DPYD: variants seen among roughly 807,000 people sequenced by gnomAD.
DPYD encodes the protein dihydropyrimidine dehydrogenase [NADP(+)].
A neutral mutation model predicts 116.2 loss-of-function variants in DPYD; 109 were observed. The observed-to-expected ratio is 0.94, with a 90% CI of 0.80 to 1.10. The LOEUF is 1.10. DPYD is among the 50% of genes least tolerant of loss of function. DPYD has a pLI of 0.00. For synonymous variants in DPYD, 440 were observed against 432.0 expected (o/e 1.02, Z -0.23); for missense variants, 1,302 against 1,254.5 (o/e 1.04, Z -0.57).
chr1:97,266,682 C>T (rs1664256462), intron 18 of DPYD, among the ~76,000 whole-genome samples: 1 of 152,036 alleles, frequency 6.6e-6, no homozygotes, highest in Admixed American at 6.6e-5. Flanking sequence ...CTCCCCCTGC[C>T]CCCCACCTCA....
chr1:97,572,887 A>C (rs1652994671), intron 11 of DPYD, among the ~76,000 whole-genome samples: 2 of 152,034 alleles, frequency 1.3e-5, no homozygotes, highest in South Asian at 4.1e-4. Context: ...TTCCAACTTC[A>C]GACAAAAAAT....
rs566441048 is a variant in DPYD at position 97,911,935 on chromosome 1, C to A, written c.39+8949G>T. Among the ~76,000 whole-genome samples the A allele has an allele frequency of 2.0e-5, 3 of 152,178 alleles. No individual in the cohort carries two copies. In the South Asian group the frequency reaches 6.2e-4, roughly 32 times the overall value. On this transcript the variant is annotated intron_variant, in intron 1 of 22. Transcript: ENST00000370192. ...CTCCCAGGGCAGAAAAAATTAGGAA[C>A]CATGCACGCTGTCAAGCCATTCTCC...
chr1:97,696,968 GC>G (rs1322353777), intron 6 of DPYD, among the ~76,000 whole-genome samples: 1 of 151,916 alleles, frequency 6.6e-6, no homozygotes, highest in Non-Finnish European at 1.5e-5. Context: ...GGCAGCATTG[GC>G]CTCACTATCC....
Position 97,640,141 on chromosome 1 carries a change from T to C in DPYD, c.850+38954A>G, listed in dbSNP as rs116072589. 5.6e-3 allele frequency among the ~76,000 whole-genome samples: 846 copies of C among 152,232 alleles called. 5 individuals are homozygous for C. The highest frequency in any genetic ancestry group is 0.019 in the African/African-American group (796 of 41,554). The stretch of plus-strand genomic sequence containing the variant: ...TACATACTAATGAAGTCAAGTTACG[T>C]AGTGACTTACAGATTTAAAGGGTAC... On this transcript the variant is annotated intron_variant, in intron 8 of 22. Transcript: ENST00000370192.
At chr1:97,352,636 C>A (rs1433922817) in intron 16 of DPYD, among the ~76,000 whole-genome samples, 1 of 148,990 alleles carries the variant, frequency 6.7e-6, no homozygotes, top group African/African-American at 2.5e-5. Flanking sequence ...ACACTGTTTT[C>A]AAAAAAAACT....
At chr1:97,286,720 G>C (rs1665713226) in intron 18 of DPYD, among the ~76,000 whole-genome samples, 1 of 152,108 alleles carries the variant, frequency 6.6e-6, no homozygotes, top group South Asian at 2.1e-4. Flanking sequence ...ATCGGCTCCT[G>C]AGGCTTCTGC....
At chr1:97,418,369 T>C (rs1674396237) in intron 14 of DPYD, among the ~76,000 whole-genome samples, 1 of 151,744 alleles carries the variant, frequency 6.6e-6, no homozygotes, top group South Asian at 2.1e-4. Context: ...GGTGCGACCT[T>C]GGCTCACTGC....
intron 4 of DPYD, among the ~76,000 whole-genome samples, chr1:97,730,673 T>C (rs975860712): frequency 5.3e-5 from 8 of 152,058 alleles, no homozygotes; most frequent in Admixed American, 4.6e-4. Flanking sequence ...TAATTATAAA[T>C]GCAATAAATT....
intron 14 of DPYD, among the ~76,000 whole-genome samples, chr1:97,402,167 G>A (rs1033859055): frequency 1.3e-5 from 2 of 151,990 alleles, no homozygotes; most frequent in East Asian, 1.9e-4. Context: ...CACAACTTGC[G>A]GGGATTTCTA....
At chr1:97,848,586 G>C (rs980104106) in intron 2 of DPYD, among the ~76,000 whole-genome samples, 1 of 152,046 alleles carries the variant, frequency 6.6e-6, no homozygotes, top group African/African-American at 2.4e-5. Context: ...TCTTTTATGC[G>C]TATCTAGCAT....
At position 97,323,353 on chromosome 1, in the gene DPYD, T is replaced by C. The variant is rs1455601163; in HGVS notation, c.2059-17056A>G. Among the ~76,000 whole-genome samples, 79 of 129,008 alleles carry C rather than the reference T, an allele frequency of 6.1e-4. 6 individuals carry two copies. Among genetic ancestry groups the C allele is most frequent in the African/African-American group, 2.3e-3 (76 of 33,208 alleles). 84.6% of individuals were successfully genotyped at this position (129,008 alleles called of 152,430 possible). On this transcript the variant is annotated intron_variant, in intron 16 of 22. Transcript: ENST00000370192. ...ATGTACACGTATATATACATGTGTATATGTACACGTATGTATACATGTGTA... is the reference window on the plus strand; with the variant it reads ...ATGTACACGTATATATACATGTGTACATGTACACGTATGTATACATGTGTA...
chr1:97,548,089 T>C (rs147643917), intron 12 of DPYD, among the ~76,000 whole-genome samples: 109 of 152,218 alleles, frequency 7.2e-4, no homozygotes, highest in African/African-American at 2.5e-3. Flanking sequence ...TGAATTTTGT[T>C]AGCATGTGGG....
intron 20 of DPYD, among the ~76,000 whole-genome samples, chr1:97,189,443 C>A (rs1658210045): frequency 6.6e-6 from 1 of 152,132 alleles, no homozygotes; most frequent in Non-Finnish European, 1.5e-5. Context: ...TCATCCCAAG[C>A]ACCAAAAAGT....
At chr1:97,772,009 TTC>T (rs1666168039) in intron 3 of DPYD, among the ~76,000 whole-genome samples, 1 of 152,192 alleles carries the variant, frequency 6.6e-6, no homozygotes, top group African/African-American at 2.4e-5. Flanking sequence ...GGTATTAATA[TTC>T]TTTCTTGTAT....
At chr1:97,715,034 T>C (rs958415742) in intron 5 of DPYD, among the ~76,000 whole-genome samples, 4 of 152,040 alleles carry the variant, frequency 2.6e-5, no homozygotes, top group Admixed American at 2.6e-4. Context: ...ATTTGGAGAG[T>C]TATTCTGAGG....
At chr1:97,715,813 T>C (rs950554800) in intron 5 of DPYD, among the ~76,000 whole-genome samples, 8 of 152,086 alleles carry the variant, frequency 5.3e-5, no homozygotes, top group African/African-American at 1.9e-4. Context: ...CACTCTTCTA[T>C]TTGATAGATG....
chr1:97,201,309 A>G (rs556867767), intron 19 of DPYD, among the ~76,000 whole-genome samples: 24 of 152,242 alleles, frequency 1.6e-4, no homozygotes, highest in Non-Finnish European at 3.4e-4. Context: ...TTCTAATTCT[A>G]TCTGTCCACA....
intron 21 of DPYD, among the ~76,000 whole-genome samples, chr1:97,094,354 A>C (rs1650091338): frequency 6.6e-6 from 1 of 152,166 alleles, no homozygotes; most frequent in Non-Finnish European, 1.5e-5. Context: ...TAAGGAGGAC[A>C]AAAGAAAGCA....
At position 97,146,515 on chromosome 1, in the gene DPYD, G is replaced by A. The variant is rs192709962; in HGVS notation, c.2622+46554C>T. ...TGGGCAGTCTCTATGAAACATTCAG[G>A]GTTATTTGTTTGTTTGTTTGTCTGT... is the stretch of plus-strand genomic sequence containing the variant. On this transcript the variant is annotated intron_variant, in intron 20 of 22. Transcript: ENST00000370192. Among the ~76,000 whole-genome samples the A allele has an allele frequency of 2.7e-3, 410 of 152,262 alleles. 1 individual carries two copies. The highest frequency in any genetic ancestry group is 4.7e-3 in the Non-Finnish European group (317 of 68,018).
Sources: gnomAD v4.1 joint callset for allele counts (sites outside exome capture counted in the v4.1 genomes callset) on GRCh38, gnomAD v4.1.1 for gene constraint, MANE v1.5 for transcripts, NCBI Gene and HGNC (gene_info 2026-07-23, HGNC 2026-07-21) for gene names.